The following TBC1D4 variants were observed in gnomAD, a reference collection of about 807,000 sequenced individuals.
TBC1D4 encodes TBC (Tre-2, BUB2, CDC16) domain-containing protein.
In TBC1D4, 121 loss-of-function variants were observed where a neutral mutation model predicts 142.5. The observed-to-expected ratio is 0.85, with a 90% CI of 0.73 to 0.99. The LOEUF (loss-of-function observed/expected upper bound fraction) is 0.99. Ranked by LOEUF, TBC1D4 falls within the 50% of genes least tolerant of loss-of-function variation. The pLI, the probability that TBC1D4 is intolerant of heterozygous loss-of-function variation, is 0.00. For synonymous variants in TBC1D4, 630 were observed against 628.2 expected (o/e 1.00, Z -0.04); for missense variants, 1,475 against 1,606.6 (o/e 0.92, Z 1.40).
intron 1 of TBC1D4, among the ~76,000 whole-genome samples, chr13:75,401,419 C>T (rs542164335): frequency 6.6e-6 from 1 of 152,272 alleles, no homozygotes; most frequent in East Asian, 1.9e-4. Context: ...CATAACTATC[C>T]TTAGTCAATG....
intron 5 of TBC1D4, among the ~76,000 whole-genome samples, chr13:75,346,229 C>G (rs991167529): frequency 8.9e-6 from 1 of 112,276 alleles, no homozygotes; most frequent in South Asian, 4.3e-4. Context: ...CAGGTATATA[C>G]GTGCCATGGT....
At chr13:75,480,443 T>C (rs975872000) in intron 1 of TBC1D4, among the ~76,000 whole-genome samples, 1 of 152,266 alleles carries the variant, frequency 6.6e-6, no homozygotes, top group African/African-American at 2.4e-5. Flanking sequence ...ATAGTCAAGT[T>C]CTCCTCTCCC....
intron 12 of TBC1D4, among the ~76,000 whole-genome samples, chr13:75,315,765 C>G (rs1363058559): frequency 1.3e-5 from 2 of 152,018 alleles, no homozygotes; most frequent in African/African-American, 2.4e-5. Flanking sequence ...GCTAACATGT[C>G]AGGAATAAAT....
rs576424391 is a variant in TBC1D4, at chr13:75,288,090, G to A, written c.3663+844C>T. Among the ~76,000 whole-genome samples, 5 of 152,242 alleles carry A rather than the reference G, an allele frequency of 3.3e-5. 1 individual carries two copies. In the South Asian group the frequency reaches 6.2e-4, roughly 19 times the overall value. ...TTTCTTATTGCATGTATAAGTGTGC[G>A]CTTAGAGACAGATATATAGTATTTT... On this transcript the variant is annotated intron_variant, in intron 20 of 20. Transcript: ENST00000377636.
intron 1 of TBC1D4, among the ~76,000 whole-genome samples, chr13:75,435,201 A>G (rs1019648721): frequency 6.6e-6 from 1 of 152,010 alleles, no homozygotes; most frequent in Non-Finnish European, 1.5e-5. Flanking sequence ...AAAGCTTCCC[A>G]AAGAAACTAT....
chr13:75,466,556 G>A (rs546848789), intron 1 of TBC1D4, among the ~76,000 whole-genome samples: 4 of 152,190 alleles, frequency 2.6e-5, no homozygotes, highest in South Asian at 2.1e-4. Context: ...TCTCTTTCAC[G>A]GTAGTAGCGT....
At chr13:75,449,587 GTTT>G (rs756670676) in intron 1 of TBC1D4, among the ~76,000 whole-genome samples, 6 of 137,976 alleles carry the variant, frequency 4.3e-5, no homozygotes, top group African/African-American at 1.3e-4. Context: ...AACATACATA[GTTT>G]TTTTTTTTTT....
At chr13:75,334,676 T>A (rs1331222021) in intron 8 of TBC1D4, among the ~76,000 whole-genome samples, 1 of 152,094 alleles carries the variant, frequency 6.6e-6, no homozygotes, top group Non-Finnish European at 1.5e-5. Flanking sequence ...CCCTGCCTGC[T>A]GGGTTCCAGT....
chr13:75,440,343 C>A (rs1593887595), intron 1 of TBC1D4, among the ~76,000 whole-genome samples: 2 of 151,282 alleles, frequency 1.3e-5, no homozygotes, highest in East Asian at 1.9e-4. Flanking sequence ...GTAAGCCAGG[C>A]AAAAAACTGG....
chr13:75,367,427 C>T (rs1398284481), intron 1 of TBC1D4, among the ~76,000 whole-genome samples: 1 of 151,694 alleles, frequency 6.6e-6, no homozygotes, highest in African/African-American at 2.4e-5. Context: ...CAAAAAAGAA[C>T]TGTATCAATT....
At chr13:75,446,125 G>A (rs987565762) in intron 1 of TBC1D4, among the ~76,000 whole-genome samples, 3 of 152,172 alleles carry the variant, frequency 2.0e-5, no homozygotes, top group African/African-American at 4.8e-5. Context: ...ACATGGCAGA[G>A]GGGAGATTAA....
rs370334538 is a variant in TBC1D4 at position 75,318,439 on chromosome 13, AG to A, written c.2222+1574del. Among the ~76,000 whole-genome samples, 424 of 152,360 alleles carry A rather than the reference AG, an allele frequency of 2.8e-3. 8 individuals carry two copies. The South Asian group carries it at 0.053, about 19-fold the overall frequency. On this transcript the variant is annotated intron_variant, in intron 12 of 20. Coordinates refer to ENST00000377636, the MANE Select transcript of TBC1D4 (RefSeq NM_014832.5). ...AATCACAATGAATTCAACATAAGAT[AG>A]ATACCAAAACTTCATTAGTGTGATA... is the stretch of plus-strand genomic sequence containing the variant.
At chr13:75,322,046 T>A (rs923730898) in intron 11 of TBC1D4, among the ~76,000 whole-genome samples, 2 of 152,198 alleles carry the variant, frequency 1.3e-5, no homozygotes, top group African/African-American at 4.8e-5. Context: ...ATGGGAGAAG[T>A]TGCAGGCATG....
chr13:75,439,864 A>C (rs552324693), intron 1 of TBC1D4, among the ~76,000 whole-genome samples: 6 of 152,290 alleles, frequency 3.9e-5, no homozygotes, highest in South Asian at 2.1e-4. Flanking sequence ...ATCTCAAAAA[A>C]AGAAAAAGAA....
chr13:75,321,892 T>A (rs1878811183), intron 11 of TBC1D4, among the ~76,000 whole-genome samples: 1 of 152,160 alleles, frequency 6.6e-6, no homozygotes, highest in Admixed American at 6.5e-5. Context: ...AAAAGAGGAA[T>A]TAAATCTCAC....
Position 75,481,448 on chromosome 13 carries a change from G to T in TBC1D4, c.320C>A (p.Pro107Gln). 1.2e-6 allele frequency: 2 copies of T among 1,613,788 alleles called. No homozygotes were observed. Among genetic ancestry groups the T allele is most frequent in the Non-Finnish European group, 1.7e-6 (2 of 1,179,786 alleles). The change falls in exon 1 of 21, where the codon CCG becomes CAG. Residue 107 changes from proline (P) to glutamine (Q), a missense_variant. Around this residue, in one of 2 missense-constraint regions of TBC1D4, gnomAD observed 1,227 missense variants for 1,267.7 expected, o/e 0.97. Coordinates refer to ENST00000377636, the MANE Select transcript of TBC1D4 (RefSeq NM_014832.5). The part of the protein sequence containing the change: ...PGAGASGGTS[P>Q]SATQPNPAVF... ...CGCCGGGTTGGGCTGCGTGGCCGACGGACTAGTGCCCCCCGAGGCCCCAGC... is the reference window on the plus strand; with the variant it reads ...CGCCGGGTTGGGCTGCGTGGCCGACTGACTAGTGCCCCCCGAGGCCCCAGC...
At chr13:75,475,200 T>A (rs1030612531) in intron 1 of TBC1D4, among the ~76,000 whole-genome samples, 4 of 152,182 alleles carry the variant, frequency 2.6e-5, no homozygotes, top group African/African-American at 9.7e-5. Flanking sequence ...GCCAATGACA[T>A]CCTTAGAGTT....
intron 1 of TBC1D4, chr13:75,377,423 G>A (rs1883577874): frequency 6.6e-6 from 1 of 152,048 alleles, no homozygotes; most frequent in East Asian, 1.9e-4. Flanking sequence ...CTTGTTTCTA[G>A]AAGAAAATGT....
At chr13:75,433,698 G>C (rs1344007721) in intron 1 of TBC1D4, among the ~76,000 whole-genome samples, 1 of 152,020 alleles carries the variant, frequency 6.6e-6, no homozygotes, top group East Asian at 1.9e-4. Context: ...AAATTAAAAA[G>C]CTTCCCAAAG....
Sources: gnomAD v4.1 joint callset for allele counts (sites outside exome capture counted in the v4.1 genomes callset) on GRCh38, gnomAD v4.1.1 for gene constraint, gnomAD v4.1.1 regional missense constraint, MANE v1.5 for transcripts, NCBI Gene and HGNC (gene_info 2026-07-23, HGNC 2026-07-21) for gene names.